Variants in DNAH7 observed in about 807,000 individuals in gnomAD.
The protein encoded by DNAH7 is axonemal beta dynein heavy chain 7.
A neutral mutation model predicts 444.6 loss-of-function variants in DNAH7; 397 were observed. The ratio of observed to expected loss-of-function variants is 0.89; its 90% confidence interval spans 0.82 to 0.97. DNAH7 has a LOEUF of 0.97. Among genes scored for constraint, DNAH7 ranks in the 50% least tolerant of loss-of-function variants. The pLI is 0.00. For synonymous variants in DNAH7, 1,636 were observed against 1,624.4 expected (o/e 1.01, Z -0.17); for missense variants, 4,902 against 4,800.8 (o/e 1.02, Z -0.62).
intron 46 of DNAH7, among the ~76,000 whole-genome samples, chr2:195,850,044 A>C: frequency 6.6e-6 from 1 of 152,244 alleles, no homozygotes; most frequent in Middle Eastern, 3.2e-3. Flanking sequence ...AGTAGAGAAA[A>C]TAGAAGCAAT....
Position 196,047,298 on chromosome 2 carries a change from G to T in DNAH7, c.398+54C>A, listed in dbSNP as rs369040856. 12 of 1,429,458 alleles carry T rather than the reference G, an allele frequency of 8.4e-6. No individual in the cohort carries two copies. The African/African-American group carries it at 1.7e-4, about 21-fold the overall frequency. The allele number at this position is 1,429,458 out of a possible 1,614,324, so 88.5% of individuals were successfully genotyped here. A position where few individuals can be genotyped will look rare whatever the true frequency, so the allele number is the denominator to read the frequency against. On this transcript the variant is annotated intron_variant, in intron 5 of 64. Coordinates refer to ENST00000312428, the MANE Select transcript of DNAH7 (RefSeq NM_018897.3). ...GAATTCTAATATTCTTAGGTTAAACGTTGCCAGGGGCTCTAACATGGGTAA... is the reference window on the plus strand; with the variant it reads ...GAATTCTAATATTCTTAGGTTAAACTTTGCCAGGGGCTCTAACATGGGTAA...
intron 63 of DNAH7, among the ~76,000 whole-genome samples, chr2:195,749,166 G>A (rs998283052): frequency 1.3e-5 from 2 of 152,176 alleles, no homozygotes; most frequent in African/African-American, 4.8e-5. Context: ...CAAAAAGTGC[G>A]TGAAGGACAT....
intron 5 of DNAH7, among the ~76,000 whole-genome samples, chr2:196,029,393 G>A (rs1695894464): frequency 6.6e-6 from 1 of 152,036 alleles, no homozygotes; most frequent in South Asian, 2.1e-4. Flanking sequence ...GGTGGGTGAG[G>A]AGGTAGAAGG....
chr2:195,846,576 C>G (rs1299922170), intron 46 of DNAH7, among the ~76,000 whole-genome samples: 4 of 152,132 alleles, frequency 2.6e-5, no homozygotes. Flanking sequence ...TACTGAATGT[C>G]AACTTGATTG....
chr2:195,799,321 G>C lies in DNAH7; in HGVS notation c.10328C>G (p.Ala3443Gly). The change falls in exon 55 of 65, where the codon GCC (alanine) becomes GGC (glycine). Residue 3443 changes from alanine to glycine, a missense_variant. Coordinates refer to ENST00000312428, the MANE Select transcript of DNAH7 (RefSeq NM_018897.3). ...CTGGTCATCAGCAAATTTTAGAAGG[G>C]CAGCCATGGGATCTGCTCCAGGAGA... Reference protein sequence around the residue: ...VLSPGADPMAALLKFADDQGY... With the variant: ...VLSPGADPMAGLLKFADDQGY... 1 of 1,588,854 alleles carries C rather than the reference G, an allele frequency of 6.3e-7. No homozygotes were observed. Among genetic ancestry groups the C allele is most frequent in the Non-Finnish European group, 8.6e-7 (1 of 1,167,840 alleles).
At chr2:195,970,777 A>C in intron 16 of DNAH7, among the ~76,000 whole-genome samples, 1 of 152,310 alleles carries the variant, frequency 6.6e-6, no homozygotes. Context: ...ATATTCAAAA[A>C]ATTTAGGTTA....
At position 195,746,245 on chromosome 2, in the gene DNAH7, CAA is replaced by C. The variant is rs1693395745; in HGVS notation, c.11765-5378_11765-5377del. Among the ~76,000 whole-genome samples, 3 of 151,808 alleles carry C rather than the reference CAA, an allele frequency of 2.0e-5. No homozygotes were observed. The South Asian group carries it at 6.2e-4, about 32-fold the overall frequency. On this transcript the variant is annotated intron_variant, in intron 63 of 64. Coordinates refer to ENST00000312428, the MANE Select transcript of DNAH7 (RefSeq NM_018897.3). ...TTAAACCAACAAAGATCAAAAGAGA[CAA>C]AGAAGGCCATTACATAATGGTAAAG... is the stretch of plus-strand genomic sequence containing the variant.
intron 35 of DNAH7, among the ~76,000 whole-genome samples, chr2:195,883,755 T>A (rs186606566): frequency 6.6e-6 from 1 of 152,112 alleles, no homozygotes. Flanking sequence ...TAGCAATACA[T>A]TGCAAGAACC....
intron 48 of DNAH7, among the ~76,000 whole-genome samples, chr2:195,832,812 T>C (rs1420122442): frequency 3.3e-5 from 5 of 152,176 alleles, no homozygotes; most frequent in Non-Finnish European, 5.9e-5. Flanking sequence ...CTATAGTACA[T>C]CATCTGTGCC....
chr2:195,920,697 A>G (rs1687968484), intron 24 of DNAH7, among the ~76,000 whole-genome samples: 1 of 152,248 alleles, frequency 6.6e-6, no homozygotes, highest in South Asian at 2.1e-4. Flanking sequence ...AGCAAATGCA[A>G]CAAAAACAAA....
At chr2:195,865,203 CTA>C (rs1351961305) in intron 40 of DNAH7, among the ~76,000 whole-genome samples, 182 bp from the exon 41 acceptor site, 2 of 152,068 alleles carry the variant, frequency 1.3e-5, no homozygotes, top group Admixed American at 1.3e-4. Flanking sequence ...AATTTTAACT[CTA>C]TATTTAGAAT....
intron 40 of DNAH7, among the ~76,000 whole-genome samples, chr2:195,865,596 G>C (rs755984017): frequency 2.6e-5 from 4 of 152,012 alleles, no homozygotes; most frequent in Non-Finnish European, 5.9e-5. Flanking sequence ...ATAAATCTCC[G>C]GTTATATGCA....
intron 19 of DNAH7, among the ~76,000 whole-genome samples, chr2:195,944,563 C>A (rs1245889642): frequency 1.3e-5 from 2 of 152,126 alleles, no homozygotes; most frequent in East Asian, 3.8e-4. Flanking sequence ...TCAGGGTACC[C>A]AGAGTCAATT....
In DNAH7 at chr2:195,867,306, T is replaced by C. The variant is rs144706008; in HGVS notation, c.6634-2285A>G. On this transcript the variant is annotated intron_variant, in intron 40 of 64. Coordinates refer to ENST00000312428, the MANE Select transcript of DNAH7 (RefSeq NM_018897.3). ...ATTATTCTATCACCACCTCTCACAT[T>C]TTAAAAAGTTGACACTTAAAACTTT... Among the ~76,000 whole-genome samples, 1,176 of 152,262 alleles carry C rather than the reference T, an allele frequency of 7.7e-3. 8 individuals are homozygous for C. Among genetic ancestry groups the C allele is most frequent in the Non-Finnish European group, 0.013 (853 of 68,006 alleles).
intron 57 of DNAH7, among the ~76,000 whole-genome samples, chr2:195,793,376 C>A (rs1695981515): frequency 1.3e-5 from 2 of 152,178 alleles, no homozygotes; most frequent in South Asian, 4.1e-4. Flanking sequence ...TCATAAATTC[C>A]TGGACCTGAA....
At chr2:195,800,444 A>C (rs1246543402) in intron 54 of DNAH7, among the ~76,000 whole-genome samples, 1 of 152,242 alleles carries the variant, frequency 6.6e-6, no homozygotes, top group Admixed American at 6.5e-5. Flanking sequence ...TCAATACTCT[A>C]ACATGATATT....
intron 63 of DNAH7, among the ~76,000 whole-genome samples, chr2:195,741,534 T>C (rs144979654): frequency 4.9e-4 from 74 of 152,324 alleles, no homozygotes; most frequent in African/African-American, 1.7e-3. Flanking sequence ...GTAAAACTGA[T>C]TGTAACAGTA....
At chr2:195,911,990 C>T (rs1372435939) in intron 24 of DNAH7, among the ~76,000 whole-genome samples, 1 of 152,140 alleles carries the variant, frequency 6.6e-6, no homozygotes, top group Non-Finnish European at 1.5e-5. Flanking sequence ...AGGGTTCTTT[C>T]TTGGAATTTT....
Position 195,875,681 on chromosome 2 carries a change from G to T in DNAH7, c.6280C>A (p.Pro2094Thr), listed in dbSNP as rs754069343. ...VDIQIMCAMG[P>T]PGGGRNPVTP... ...ACAAACTCAAAAAATGTACCTGGAG[G>T]TCCCATAGCACACATGATCTGAATG... Residue 2094 changes from proline (P) to threonine (T), a missense_variant, in exon 38 of 65, where the codon CCT becomes ACT. Transcript: ENST00000312428. The T allele has an allele frequency of 6.4e-7, 1 of 1,566,466 alleles. No individual in the cohort carries two copies. Among genetic ancestry groups the T allele is most frequent in the South Asian group, 1.2e-5 (1 of 83,616 alleles).
Sources: gnomAD v4.1 joint callset for allele counts (sites outside exome capture counted in the v4.1 genomes callset) on GRCh38, gnomAD v4.1.1 for gene constraint, MANE v1.5 for transcripts, NCBI Gene and HGNC (gene_info 2026-07-23, HGNC 2026-07-21) for gene names.